Variants in PTPRD observed in about 807,000 individuals in gnomAD.
PTPRD encodes receptor-type tyrosine-protein phosphatase delta.
PTPRD carries 34 observed loss-of-function variants against 214.5 expected under a neutral mutation model. The observed-to-expected ratio is 0.16, with a 90% confidence interval of 0.12 to 0.21. The LOEUF is 0.21. Ranked by LOEUF, PTPRD falls within the 10% of genes least tolerant of loss-of-function variation. PTPRD has a pLI of 1.00. For synonymous variants in PTPRD, 1,128 were observed against 845.7 expected (o/e 1.33, Z -5.79); for missense variants, 2,545 against 2,398.7 (o/e 1.06, Z -1.27).
chr9:8,954,596 G>A (rs187592893), intron 11 of PTPRD, among the ~76,000 whole-genome samples: 61 of 151,882 alleles, frequency 4.0e-4, no homozygotes, highest in African/African-American at 1.4e-3. Flanking sequence ...CTCAGCTAAA[G>A]AGCCTGAGTA....
intron 2 of PTPRD, among the ~76,000 whole-genome samples, chr9:10,459,354 TA>T (rs2098941495): frequency 6.6e-6 from 1 of 152,210 alleles, no homozygotes; most frequent in African/African-American, 2.4e-5. Context: ...TGTGCCGCAA[TA>T]GACATATATG....
chr9:8,505,397 C>T (rs965073621), intron 22 of PTPRD, among the ~76,000 whole-genome samples: 2 of 151,908 alleles, frequency 1.3e-5, no homozygotes, highest in African/African-American at 4.8e-5. Context: ...CCAAGGCGGG[C>T]GGAACATGAG....
In PTPRD at chr9:10,338,260, C is replaced by A. The variant is rs549602662; in HGVS notation, c.-545+2703G>T. ...GTATAGTAAGTGCTATAGCTCAGTG[C>A]CTGCACAGCCTCACCTTTTCTGCTA... On this transcript the variant is annotated intron_variant, in intron 3 of 45. Transcript: ENST00000381196. 4.0e-5 allele frequency among the ~76,000 whole-genome samples: 6 copies of A among 151,670 alleles called. No homozygotes were observed. The East Asian group carries it at 9.8e-4, about 25-fold the overall frequency.
At chr9:9,485,674 T>G (rs1444556952) in intron 8 of PTPRD, among the ~76,000 whole-genome samples, 1 of 152,214 alleles carries the variant, frequency 6.6e-6, no homozygotes, top group African/African-American at 2.4e-5. Context: ...TTCTATTATT[T>G]TCTTCTTTCC....
chr9:10,426,345 C>T (rs1163332095), intron 2 of PTPRD, among the ~76,000 whole-genome samples: 2 of 151,796 alleles, frequency 1.3e-5, no homozygotes, highest in Admixed American at 6.6e-5. Context: ...CTCATTCTTG[C>T]TTTTTCTATC....
chr9:8,573,236 G>A (rs182398697), intron 14 of PTPRD, among the ~76,000 whole-genome samples: 1 of 152,042 alleles, frequency 6.6e-6, no homozygotes, highest in East Asian at 1.9e-4. Context: ...TCTAAAAAAT[G>A]ATGTGCAAAT....
intron 3 of PTPRD, among the ~76,000 whole-genome samples, chr9:10,050,141 G>C (rs187766334): frequency 1.3e-5 from 2 of 152,192 alleles, no homozygotes; most frequent in Admixed American, 6.5e-5. Flanking sequence ...TTGTGGCATG[G>C]GGCCTGAGCA....
intron 11 of PTPRD, among the ~76,000 whole-genome samples, chr9:8,810,986 T>C (rs2096790613): frequency 6.6e-6 from 1 of 152,162 alleles, no homozygotes; most frequent in Non-Finnish European, 1.5e-5. Flanking sequence ...CTGAGCTTCC[T>C]CGGTTTGGGA....
At chr9:9,721,339 A>G (rs1426910645) in intron 7 of PTPRD, among the ~76,000 whole-genome samples, 3 of 152,264 alleles carry the variant, frequency 2.0e-5, no homozygotes, top group South Asian at 2.1e-4. Context: ...TCTAAATTTG[A>G]CAAGGGGACA....
chr9:9,740,283 T>C (rs562811759), intron 6 of PTPRD, among the ~76,000 whole-genome samples: 1 of 152,186 alleles, frequency 6.6e-6, no homozygotes, highest in Non-Finnish European at 1.5e-5. Context: ...CATTAATATA[T>C]AAACATTTGA....
chr9:8,985,369 G>A (rs2099336149), intron 11 of PTPRD, among the ~76,000 whole-genome samples: 1 of 151,908 alleles, frequency 6.6e-6, no homozygotes, highest in African/African-American at 2.4e-5. Flanking sequence ...AACACATTCT[G>A]ATACTTAACC....
chr9:9,533,078 G>A (rs987369102), intron 8 of PTPRD, among the ~76,000 whole-genome samples: 2 of 152,076 alleles, frequency 1.3e-5, no homozygotes, highest in Non-Finnish European at 2.9e-5. Flanking sequence ...TATAATAAGT[G>A]AGCAGCTTAT....
chr9:10,584,486 T>C (rs2073232277), intron 2 of PTPRD, among the ~76,000 whole-genome samples: 1 of 152,010 alleles, frequency 6.6e-6, no homozygotes, highest in African/African-American at 2.4e-5. Context: ...CTCAGTAGAG[T>C]CTACTGTAGT....
At chr9:9,475,764 A>C (rs1463297756) in intron 8 of PTPRD, among the ~76,000 whole-genome samples, 1 of 152,186 alleles carries the variant, frequency 6.6e-6, no homozygotes, top group African/African-American at 2.4e-5. Flanking sequence ...CTAACATTCC[A>C]CAGAGATTTG....
intron 10 of PTPRD, among the ~76,000 whole-genome samples, chr9:9,040,074 G>A (rs1240380991): frequency 6.6e-6 from 1 of 151,936 alleles, no homozygotes; most frequent in Non-Finnish European, 1.5e-5. Context: ...AATATTTATT[G>A]AGGATCTACT....
At chr9:9,406,868 G>A (rs1048961585) in intron 8 of PTPRD, among the ~76,000 whole-genome samples, 3 of 143,854 alleles carry the variant, frequency 2.1e-5, no homozygotes, top group African/African-American at 5.1e-5. Flanking sequence ...TGAGATGAAT[G>A]TGTCTTCCGT....
At chr9:9,609,527 A>G (rs899219198) in intron 7 of PTPRD, among the ~76,000 whole-genome samples, 1 of 152,096 alleles carries the variant, frequency 6.6e-6, no homozygotes, top group Non-Finnish European at 1.5e-5. Context: ...CAGTGGTGCA[A>G]TCTTGGTTCA....
chr9:9,874,875 C>G (rs1003079307), intron 5 of PTPRD, among the ~76,000 whole-genome samples: 6 of 152,106 alleles, frequency 3.9e-5, no homozygotes, highest in African/African-American at 1.4e-4. Flanking sequence ...GTGGTGCAGT[C>G]TGTAGGCTAG....
intron 3 of PTPRD, among the ~76,000 whole-genome samples, chr9:10,322,524 G>C (rs2096570968): frequency 1.3e-5 from 2 of 151,930 alleles, no homozygotes; most frequent in Admixed American, 1.3e-4. Context: ...ATCTACAACT[G>C]AACTTTAATA....
Sources: gnomAD v4.1 joint callset for allele counts (sites outside exome capture counted in the v4.1 genomes callset) on GRCh38, gnomAD v4.1.1 for gene constraint, MANE v1.5 for transcripts, NCBI Gene and HGNC (gene_info 2026-07-23, HGNC 2026-07-21) for gene names.